Variants in ELAVL4 observed in about 807,000 individuals in gnomAD.
The protein encoded by ELAVL4 is ELAV like RNA binding protein 4, also known as ELAV-like protein 4.
A neutral mutation model predicts 35.6 loss-of-function variants in ELAVL4; 1 was observed. The ratio of observed to expected loss-of-function variants is 0.03; its 90% CI spans 0.01 to 0.13. The LOEUF (loss-of-function observed/expected upper bound fraction) is 0.13. Among genes scored for constraint, ELAVL4 ranks in the 10% least tolerant of loss-of-function variants. ELAVL4 has a pLI of 1.00. For synonymous variants in ELAVL4, 156 were observed against 171.0 expected, an observed-to-expected ratio of 0.91 and a Z score of 0.69; for missense variants, 267 against 464.9, an observed-to-expected ratio of 0.57 and a Z score of 3.91.
chr1:50,147,918 G>A (rs182287812), intron 2 of ELAVL4, among the ~76,000 whole-genome samples: 1 of 152,312 alleles, frequency 6.6e-6, no homozygotes, highest in African/African-American at 2.4e-5. Context: ...TACAGAGAGA[G>A]GAAGTGACTC....
At chr1:50,060,687 A>G (rs1249062338) in intron 1 of ELAVL4, among the ~76,000 whole-genome samples, 4 of 152,138 alleles carry the variant, frequency 2.6e-5, no homozygotes, top group Non-Finnish European at 5.9e-5. Flanking sequence ...TCCCACTGTC[A>G]CCTGCCAAGT....
intron 6 of ELAVL4, 152 bp from the exon 7 acceptor site, chr1:50,200,699 C>A: frequency 7.0e-7 from 1 of 1,425,000 alleles, no homozygotes; most frequent in Non-Finnish European, 9.4e-7. Context: ...ATGACATAGA[C>A]ATTAGTTTTT....
intron 2 of ELAVL4, among the ~76,000 whole-genome samples, chr1:50,162,385 T>C (rs1048330586): frequency 5.3e-5 from 8 of 152,182 alleles, no homozygotes; most frequent in African/African-American, 1.9e-4. Flanking sequence ...TTAGGGTCTA[T>C]TGAGAAATAC....
At chr1:50,076,095 C>A (rs1413187311) in intron 1 of ELAVL4, among the ~76,000 whole-genome samples, 2 of 152,172 alleles carry the variant, frequency 1.3e-5, no homozygotes, top group Non-Finnish European at 2.9e-5. Flanking sequence ...TCCCAAAGTG[C>A]TGGGATTACA....
At chr1:50,181,827 G>A (rs1025972378) in intron 3 of ELAVL4, among the ~76,000 whole-genome samples, 2 of 152,156 alleles carry the variant, frequency 1.3e-5, no homozygotes, top group African/African-American at 4.8e-5. Flanking sequence ...GGGATTACAG[G>A]CATGCACTAC....
chr1:50,077,051 CAT>C (rs1210384047), intron 1 of ELAVL4, among the ~76,000 whole-genome samples: 5 of 151,788 alleles, frequency 3.3e-5, no homozygotes, highest in Non-Finnish European at 7.4e-5. Context: ...CTCTCTCATA[CAT>C]ATATGTTAGA....
At chr1:50,071,917 A>G (rs924269377) in intron 1 of ELAVL4, among the ~76,000 whole-genome samples, 1 of 152,350 alleles carries the variant, frequency 6.6e-6, no homozygotes, top group South Asian at 2.1e-4. Context: ...ACTCACATAA[A>G]TTGACATAAA....
chr1:50,146,314 G>A (rs181197847), intron 2 of ELAVL4, among the ~76,000 whole-genome samples: 5 of 152,176 alleles, frequency 3.3e-5, no homozygotes, highest in African/African-American at 1.2e-4. Context: ...AAATTAAGTA[G>A]TTTGCAAAAT....
At chr1:50,059,959 G>A (rs1350997729) in intron 1 of ELAVL4, among the ~76,000 whole-genome samples, 1 of 152,060 alleles carries the variant, frequency 6.6e-6, no homozygotes, top group African/African-American at 2.4e-5. Context: ...AGGGGTGAAT[G>A]GGGAAAAACT....
intron 1 of ELAVL4, among the ~76,000 whole-genome samples, chr1:50,087,094 AG>A (rs2148501750): frequency 6.6e-6 from 1 of 152,336 alleles, no homozygotes; most frequent in Non-Finnish European, 1.5e-5. Flanking sequence ...CCATGGTTCA[AG>A]GATATCTACT....
At chr1:50,127,058 T>A (rs535745866) in intron 1 of ELAVL4, among the ~76,000 whole-genome samples, 1 of 152,014 alleles carries the variant, frequency 6.6e-6, no homozygotes, top group African/African-American at 2.4e-5. Context: ...AAAAAAAGCA[T>A]TTTAAAATAA....
intron 1 of ELAVL4, among the ~76,000 whole-genome samples, chr1:50,131,888 A>T (rs1572322205): frequency 1.6e-5 from 2 of 128,400 alleles, no homozygotes; most frequent in African/African-American, 6.1e-5. Flanking sequence ...TTTATGTTTA[A>T]AAAAAAAAAA....
chr1:50,112,564 A>G (rs1667252199), intron 1 of ELAVL4, among the ~76,000 whole-genome samples: 1 of 152,176 alleles, frequency 6.6e-6, no homozygotes, highest in South Asian at 2.1e-4. Context: ...CAGAATGTCC[A>G]TATATCTCAT....
intron 1 of ELAVL4, among the ~76,000 whole-genome samples, chr1:50,129,474 T>C (rs1363171904): frequency 1.3e-5 from 2 of 152,140 alleles, no homozygotes; most frequent in African/African-American, 2.4e-5. Flanking sequence ...ATGACTCTTA[T>C]TAACATTTGA....
At chr1:50,197,333 T>C in intron 5 of ELAVL4, 96 bp from the exon 6 acceptor site, 1 of 1,320,316 alleles carries the variant, frequency 7.6e-7, no homozygotes. Context: ...TGTTGAGCTT[T>C]TCTTCTTTGA....
chr1:50,093,496 G>A (rs1221240579), intron 1 of ELAVL4, among the ~76,000 whole-genome samples: 1 of 152,168 alleles, frequency 6.6e-6, no homozygotes, highest in Non-Finnish European at 1.5e-5. Context: ...AACCATAGTG[G>A]CTATCAGGTA....
At chr1:50,055,501 G>A (rs1036538089) in intron 1 of ELAVL4, among the ~76,000 whole-genome samples, 1 of 151,800 alleles carries the variant, frequency 6.6e-6, no homozygotes, top group Non-Finnish European at 1.5e-5. Flanking sequence ...GGGTTTCACC[G>A]TGTTAGCCAG....
At chr1:50,120,154 G>A (rs968033780) in intron 1 of ELAVL4, among the ~76,000 whole-genome samples, 2 of 151,512 alleles carry the variant, frequency 1.3e-5, no homozygotes, top group Non-Finnish European at 2.9e-5. Context: ...ATTATAGTAA[G>A]CAAGGACAAT....
intron 1 of ELAVL4, chr1:50,144,438 A>C (rs1396388781): frequency 2.7e-6 from 1 of 370,046 alleles, no homozygotes; most frequent in Non-Finnish European, 5.2e-6. Flanking sequence ...TTGATCAGTG[A>C]TTAAGCATCA....
Sources: allele counts gnomAD v4.1 joint callset (sites outside exome capture counted in the v4.1 genomes callset), GRCh38; gene constraint gnomAD v4.1.1; transcripts MANE v1.5; gene names NCBI Gene and HGNC (gene_info 2026-07-23, HGNC 2026-07-21).